PALM2AKAP2: variants seen among roughly 807,000 people sequenced by gnomAD.
PALM2AKAP2 encodes PALM2-AKAP2 fusion protein.
A neutral mutation model predicts 71.5 loss-of-function variants in PALM2AKAP2; 37 were observed. The ratio of observed to expected loss-of-function variants is 0.52; its 90% CI spans 0.40 to 0.68. PALM2AKAP2 has a LOEUF of 0.68. Among genes scored for constraint, PALM2AKAP2 ranks in the 30% least tolerant of loss-of-function variants. The pLI is 0.00. For synonymous variants in PALM2AKAP2, 468 were observed against 478.8 expected, an observed-to-expected ratio of 0.98 and a Z score of 0.29; for missense variants, 1,224 against 1,191.8, an observed-to-expected ratio of 1.03 and a Z score of -0.40.
chr9:110,011,843 C>T (rs1832889159), intron 6 of PALM2AKAP2, among the ~76,000 whole-genome samples: 1 of 152,168 alleles, frequency 6.6e-6, no homozygotes, highest in African/African-American at 2.4e-5. Flanking sequence ...ATCCCCAAGT[C>T]CAAGTGGGAT....
chr9:109,850,581 C>G (rs1828982391), intron 1 of PALM2AKAP2, among the ~76,000 whole-genome samples: 1 of 152,138 alleles, frequency 6.6e-6, no homozygotes, highest in Non-Finnish European at 1.5e-5. Flanking sequence ...AACAAGGGAG[C>G]AGCATTGACC....
At chr9:109,676,935 C>G (rs978648232) in intron 1 of PALM2AKAP2, among the ~76,000 whole-genome samples, 1 of 152,058 alleles carries the variant, frequency 6.6e-6, no homozygotes, top group Admixed American at 6.6e-5. Flanking sequence ...GTTATTTAGT[C>G]ATTGATTATC....
intron 1 of PALM2AKAP2, among the ~76,000 whole-genome samples, chr9:109,813,136 G>A (rs10980060): frequency 0.18 from 26,942 of 152,162 alleles, 2,791 homozygotes; most frequent in East Asian, 0.35. Flanking sequence ...ATCAGATAAA[G>A]CCAAGTTAGA....
intron 1 of PALM2AKAP2, among the ~76,000 whole-genome samples, chr9:109,715,110 T>C (rs1482029264): frequency 1.3e-5 from 2 of 152,236 alleles, no homozygotes; most frequent in East Asian, 3.8e-4. Flanking sequence ...CTACACTATC[T>C]TTTGAAAACA....
chr9:109,879,000 G>T (rs932650079), intron 2 of PALM2AKAP2, among the ~76,000 whole-genome samples: 6 of 152,222 alleles, frequency 3.9e-5, no homozygotes, highest in African/African-American at 1.4e-4. Flanking sequence ...GCCTCCCAAA[G>T]TGTTGGGATT....
At chr9:109,971,717 C>T (rs369549015) in intron 6 of PALM2AKAP2, among the ~76,000 whole-genome samples, 28 of 152,294 alleles carry the variant, frequency 1.8e-4, no homozygotes, top group African/African-American at 6.3e-4. Context: ...TGAGCCACCG[C>T]GCCCAGCCAA....
chr9:109,877,203 C>T (rs1829740434), intron 2 of PALM2AKAP2, among the ~76,000 whole-genome samples: 1 of 152,102 alleles, frequency 6.6e-6, no homozygotes, highest in Non-Finnish European at 1.5e-5. Context: ...GTGGTTTGGA[C>T]ATCTTTAGCA....
chr9:110,005,013 CCTT>C (rs1832750890), intron 6 of PALM2AKAP2, among the ~76,000 whole-genome samples: 1 of 152,192 alleles, frequency 6.6e-6, no homozygotes, highest in African/African-American at 2.4e-5. Flanking sequence ...TCGTCTGAAG[CCTT>C]CTTCTCTCAA....
chr9:109,700,382 T>G (rs1042292222), intron 1 of PALM2AKAP2, among the ~76,000 whole-genome samples: 1 of 152,192 alleles, frequency 6.6e-6, no homozygotes, highest in Admixed American at 6.5e-5. Context: ...ACTTTGCTCC[T>G]CCTTCGCCTT....
At chr9:109,744,820 A>T (rs1007157247) in intron 1 of PALM2AKAP2, among the ~76,000 whole-genome samples, 2 of 152,282 alleles carry the variant, frequency 1.3e-5, no homozygotes, top group East Asian at 3.9e-4. Flanking sequence ...GATCACAATG[A>T]TGTCTGTCAA....
At chr9:110,026,615 C>A (rs1361464453) in intron 7 of PALM2AKAP2, among the ~76,000 whole-genome samples, 2 of 152,274 alleles carry the variant, frequency 1.3e-5, no homozygotes, top group East Asian at 3.9e-4. Flanking sequence ...AAACTCTCTA[C>A]CCATTAAATA....
At chr9:109,976,584 G>C (rs12683051) in intron 6 of PALM2AKAP2, among the ~76,000 whole-genome samples, 19,009 of 152,178 alleles carry the variant, frequency 0.12, 1,625 homozygotes, top group East Asian at 0.36. Context: ...TTTCAGAAGA[G>C]AAAATATATC....
At position 109,698,272 on chromosome 9, in the gene PALM2AKAP2, ATTTTTT is replaced by A. The variant is rs774359983; in HGVS notation, c.5+57423_5+57428del. On this transcript the variant is annotated intron_variant, in intron 1 of 6. Coordinates refer to the PALM2AKAP2 transcript ENST00000374531. ...TACCCTTCACCTGCATGTGTGCTACATTTTTTTTTTTTTTTTTTTTTTGAGACGGAG... is the reference window on the plus strand; with the variant it reads ...TACCCTTCACCTGCATGTGTGCTACATTTTTTTTTTTTTTTTGAGACGGAG... Among the ~76,000 whole-genome samples, 348 of 118,568 alleles carry A rather than the reference ATTTTTT, an allele frequency of 2.9e-3. 2 individuals are homozygous for A. The highest frequency in any genetic ancestry group is 0.011 in the African/African-American group (332 of 28,974). 77.8% of individuals were successfully genotyped at this position (118,568 alleles called of 152,430 possible).
intron 2 of PALM2AKAP2, among the ~76,000 whole-genome samples, chr9:109,873,642 G>A (rs1431558355): frequency 6.6e-6 from 1 of 152,114 alleles, no homozygotes; most frequent in African/African-American, 2.4e-5. Flanking sequence ...TTATAGTGAG[G>A]GTAAGGAAGT....
intron 1 of PALM2AKAP2, among the ~76,000 whole-genome samples, chr9:109,712,576 A>G (rs1303774335): frequency 6.6e-6 from 1 of 152,206 alleles, no homozygotes; most frequent in African/African-American, 2.4e-5. Context: ...CAGAAGGAAT[A>G]TGGTTTGCAG....
intron 1 of PALM2AKAP2, among the ~76,000 whole-genome samples, chr9:110,099,108 T>C (rs898722135): frequency 6.6e-6 from 1 of 152,252 alleles, no homozygotes; most frequent in Non-Finnish European, 1.5e-5. Context: ...TAACAAATTT[T>C]GTCTTCATGG....
chr9:110,162,055 C>T (rs1836613627), intron 3 of PALM2AKAP2, 39 bp from the exon 10 acceptor site: 9 of 1,611,502 alleles, frequency 5.6e-6, no homozygotes, highest in Non-Finnish European at 7.6e-6. Context: ...AAGTGTGTCA[C>T]TGCCATGTAC....
At chr9:109,907,804 A>G (rs1830482054) in intron 3 of PALM2AKAP2, among the ~76,000 whole-genome samples, 1 of 152,226 alleles carries the variant, frequency 6.6e-6, no homozygotes, top group African/African-American at 2.4e-5. Flanking sequence ...AGCAAAAAAC[A>G]AAACAAAACC....
chr9:110,035,284 T>C (rs1052978279), intron 7 of PALM2AKAP2, among the ~76,000 whole-genome samples: 2 of 145,448 alleles, frequency 1.4e-5, no homozygotes, highest in African/African-American at 5.0e-5. Context: ...ATAATATACA[T>C]ATTGTACATA....
Sources: allele counts gnomAD v4.1 joint callset (sites outside exome capture counted in the v4.1 genomes callset), GRCh38; gene constraint gnomAD v4.1.1; transcripts MANE v1.5; gene names NCBI Gene and HGNC (gene_info 2026-07-23, HGNC 2026-07-21).